Variants in DSC1 observed in about 807,000 individuals in gnomAD.
DSC1 encodes the protein desmocollin 1.
Under a neutral mutation model 98.8 loss-of-function variants are expected in DSC1, and 79 were observed. The ratio of observed to expected loss-of-function variants is 0.80; its 90% confidence interval spans 0.67 to 0.96. DSC1 has a LOEUF of 0.96. Ranked by LOEUF, DSC1 falls within the 50% of genes least tolerant of loss-of-function variation. The probability of loss-of-function intolerance (pLI) is 0.00; values close to 1 mark genes in which losing one functional copy is unlikely to be tolerated. For synonymous variants in DSC1, 405 were observed against 372.1 expected (o/e 1.09, Z -1.02); for missense variants, 1,115 against 1,075.9 (o/e 1.04, Z -0.51).
At chr18:31,159,552 AT>A (rs1417004737) in intron 1 of DSC1, 23 bp from the exon 2 acceptor site, 5 of 1,564,788 alleles carry the variant, frequency 3.2e-6, no homozygotes, top group East Asian at 4.5e-5. Flanking sequence ...AAAAGAAAAA[AT>A]ATCAGGAATT....
chr18:31,142,749 G>T (rs1160674682), intron 8 of DSC1, among the ~76,000 whole-genome samples: 1 of 151,998 alleles, frequency 6.6e-6, no homozygotes, highest in Non-Finnish European at 1.5e-5. Flanking sequence ...AAGACTAAAA[G>T]AAGTAGTAAA....
chr18:31,134,132 T>C lies in DSC1; in HGVS notation c.1877-2A>G. 1.3e-6 allele frequency: 2 copies of C among 1,599,280 alleles called. No individual in the cohort carries two copies. Among genetic ancestry groups the C allele is most frequent in the Non-Finnish European group, 1.7e-6 (2 of 1,178,402 alleles). On this transcript the variant is annotated splice_acceptor_variant, in intron 12 of 15. Transcript: ENST00000257198. LOFTEE classifies it high-confidence loss of function. ...GTTGACGAAGAATGGCAGTTTTACC[T>C]AGGGAAAAAAAAGACAGAATATATA...
intron 14 of DSC1, 106 bp from the exon 15 acceptor site, chr18:31,131,948 T>A: frequency 7.8e-7 from 1 of 1,281,162 alleles, no homozygotes; most frequent in Non-Finnish European, 1.1e-6. Context: ...TGTGCCTCTC[T>A]GTTCCTCATA....
At chr18:31,145,864 A>T (rs772338960) in intron 6 of DSC1, 87 bp from the exon 7 acceptor site, 64 of 1,399,690 alleles carry the variant, frequency 4.6e-5, no homozygotes, top group African/African-American at 7.3e-5. Context: ...TGCTGTAGCA[A>T]ATTCTCCCCC....
intron 6 of DSC1, among the ~76,000 whole-genome samples, chr18:31,146,598 T>A (rs942603138): frequency 1.3e-5 from 2 of 152,184 alleles, no homozygotes; most frequent in African/African-American, 4.8e-5. Context: ...CTTGGGTATA[T>A]ACCTAGTAAT....
chr18:31,143,719 C>T lies in DSC1; in HGVS notation c.1012G>A (p.Gly338Arg). 1 of 1,599,572 alleles carries T rather than the reference C, an allele frequency of 6.3e-7. No individual in the cohort carries two copies. Among genetic ancestry groups the T allele is most frequent in the Non-Finnish European group, 8.5e-7 (1 of 1,172,244 alleles). ...GGQPFGLFNTGTITISLEDEN... is the reference protein window; with the variant it reads ...GGQPFGLFNTRTITISLEDEN... The stretch of plus-strand genomic sequence containing the variant: ...TCCTCAAGTGAAATAGTAATTGTTC[C>T]TGTATTAAATAAACCGAAAGGCTGA... Residue 338 changes from glycine to arginine, a missense_variant, in exon 8 of 16, where the codon GGA (glycine) becomes AGA (arginine). Physicochemically the swap from Gly to Arg is moderately radical, Grantham distance 125. Transcript: ENST00000257198.
At position 31,130,566 on chromosome 18, in the gene DSC1, T is replaced by A; in HGVS notation, c.2633A>T (p.Asp878Val). 6.2e-7 allele frequency: 1 copy of A among 1,614,182 alleles called. No individual in the cohort carries two copies. Residue 878 changes from aspartate (D) to valine (V), a missense_variant, in exon 16 of 16, where the codon GAT (aspartate) becomes GTT (valine). By Grantham distance (152) the Asp-to-Val change is radical. Coordinates refer to ENST00000257198, the MANE Select transcript of DSC1 (RefSeq NM_024421.2). The stretch of plus-strand genomic sequence containing the variant: ...TGTCCTAAATTTGGGTTCCAGGTGA[T>A]CTAGAAACTCCAGTCCCTCTTCTTC... ...RQEEEGLEFL[D>V]HLEPKFRTLA...
chr18:31,158,154 C>T (rs914493532), intron 2 of DSC1, among the ~76,000 whole-genome samples: 5 of 152,000 alleles, frequency 3.3e-5, no homozygotes, highest in African/African-American at 1.2e-4. Flanking sequence ...GTAATTCCAG[C>T]GACTCAGGAG....
chr18:31,134,609 A>T lies in DSC1; in HGVS notation c.1839T>A (p.Asn613Lys), dbSNP rs1450356369. Reference protein sequence around the residue: ...NGPPFQFFLDNSASKNWNIEE... With the variant: ...NGPPFQFFLDKSASKNWNIEE... ...CTATGTTCCAGTTTTTACTGGCAGAATTATCCAGAAAGAATTGAAAAGGTG... is the reference window on the plus strand; with the variant it reads ...CTATGTTCCAGTTTTTACTGGCAGATTTATCCAGAAAGAATTGAAAAGGTG... Residue 613 changes from asparagine (N) to lysine (K), a missense_variant, in exon 12 of 16, where the codon AAT becomes AAA. Asn to Lys is a moderately conservative substitution (Grantham distance 94). Transcript: ENST00000257198. 3 of 1,612,214 alleles carry T rather than the reference A, an allele frequency of 1.9e-6. No homozygotes were observed. Among genetic ancestry groups the T allele is most frequent in the Non-Finnish European group, 2.5e-6 (3 of 1,179,006 alleles).
At chr18:31,139,338 C>A (rs1485109323) in intron 11 of DSC1, among the ~76,000 whole-genome samples, 1 of 151,880 alleles carries the variant, frequency 6.6e-6, no homozygotes, top group Non-Finnish European at 1.5e-5. Flanking sequence ...TACTTTGAAC[C>A]CAACTGTTTT....
chr18:31,149,489 T>G (rs973699308), intron 5 of DSC1, among the ~76,000 whole-genome samples: 5 of 152,186 alleles, frequency 3.3e-5, no homozygotes, highest in Admixed American at 1.3e-4. Context: ...TTTGGCATTT[T>G]TGTGTGTGTC....
chr18:31,152,684 C>T (rs186726260), intron 5 of DSC1, among the ~76,000 whole-genome samples: 4 of 151,946 alleles, frequency 2.6e-5, no homozygotes, highest in South Asian at 2.1e-4. Context: ...AAGAAGAAAG[C>T]GAACTCTAGG....
chr18:31,157,356 G>A lies in DSC1; in HGVS notation c.351+15C>T. The A allele has an allele frequency of 2.5e-6, 4 of 1,613,538 alleles. No individual in the cohort carries two copies. The highest frequency in any genetic ancestry group is 3.4e-6 in the Non-Finnish European group (4 of 1,179,616). On this transcript the variant is annotated intron_variant, in intron 3 of 15. Transcript: ENST00000257198. ...CATATTACTGTGCTAGGCTGCTTAA[G>A]CCCTTGCCTTATACCTTGTTTTCTC... is the stretch of plus-strand genomic sequence containing the variant.
In DSC1 at chr18:31,156,121, G is replaced by C. The variant is rs1271966728; in HGVS notation, c.393C>G (p.Arg131=). 1.2e-6 allele frequency: 2 copies of C among 1,614,166 alleles called. No homozygotes were observed. The highest frequency in any genetic ancestry group is 3.3e-5 in the Admixed American group (2 of 60,024). ...KRHTKDTALK[R]SKRRWAPIPA... ...GAATAGGAGCCCATCGTCTCTTGCT[G>C]CGCTTGAGGGCTGTGTCTTTGGTAT... The change falls in exon 4 of 16, where the codon CGC becomes CGG. Residue 131 remains arginine (R), a synonymous_variant. Transcript: ENST00000257198.
intron 11 of DSC1, among the ~76,000 whole-genome samples, chr18:31,135,165 T>C (rs182657626): frequency 2.0e-5 from 3 of 152,302 alleles, no homozygotes; most frequent in Admixed American, 2.0e-4. Context: ...CTCCATTGCA[T>C]CATATACTTT....
At position 31,129,684 on chromosome 18, in the gene DSC1, A is replaced by G. The variant is rs1988442526; in HGVS notation, c.*830T>C. ...AGTGAATGTTTTTGCTAAAGTATTT[A>G]TATTTTTAAAATGTTAGTAGTAAAC... On this transcript the variant is annotated 3_prime_UTR_variant, in exon 16 of 16. Transcript: ENST00000257198. 6.6e-6 allele frequency: 1 copy of G among 152,202 alleles called. No individual in the cohort carries two copies. The highest frequency in any genetic ancestry group is 2.1e-4 in the South Asian group (1 of 4,838). 9.4% of individuals were successfully genotyped at this position (152,202 alleles called of 1,614,324 possible). A position where few individuals can be genotyped will look rare whatever the true frequency, so the allele number is the denominator to read the frequency against.
In DSC1 at chr18:31,150,366, C is replaced by CGACCACCATCAGCAGCAGCACCATCAT. The variant is rs1568002855; in HGVS notation, c.628-1725_628-1724insATGATGGTGCTGCTGCTGATGGTGGTC. Among the ~76,000 whole-genome samples, 3 of 20,650 alleles carry CGACCACCATCAGCAGCAGCACCATCAT rather than the reference C, an allele frequency of 1.5e-4. 1 individual carries two copies. The highest frequency in any genetic ancestry group is 2.5e-4 in the Non-Finnish European group (3 of 12,034). 13.5% of individuals were successfully genotyped at this position (20,650 alleles called of 152,430 possible). On this transcript the variant is annotated intron_variant, in intron 5 of 15. Coordinates refer to ENST00000257198, the MANE Select transcript of DSC1 (RefSeq NM_024421.2). ...ATCACCACCACCACCACCATCATCA[C>CGACCACCATCAGCAGCAGCACCATCAT]CACCACCATCATCACCACCATCACC...
At chr18:31,137,406 T>A (rs1025868744) in intron 11 of DSC1, among the ~76,000 whole-genome samples, 1 of 152,198 alleles carries the variant, frequency 6.6e-6, no homozygotes, top group African/African-American at 2.4e-5. Flanking sequence ...GTGCTAATTA[T>A]GTCCCTAGAA....
At chr18:31,142,451 G>A (rs1988757478) in intron 8 of DSC1, among the ~76,000 whole-genome samples, 2 of 151,926 alleles carry the variant, frequency 1.3e-5, no homozygotes, top group Non-Finnish European at 2.9e-5. Flanking sequence ...CTAGACCTCA[G>A]ATTTATCTCT....
Sources: gnomAD v4.1 joint callset for allele counts (sites outside exome capture counted in the v4.1 genomes callset) on GRCh38, gnomAD v4.1.1 for gene constraint, MANE v1.5 for transcripts, NCBI Gene and HGNC (gene_info 2026-07-23, HGNC 2026-07-21) for gene names.